Variants in GALNT17 observed in about 807,000 individuals in gnomAD.
The protein encoded by GALNT17 is polypeptide N-acetylgalactosaminyltransferase 17, also known as UDP-GalNAc:polypeptide N-acetylgalactosaminyltransferase-like 3.
Under a neutral mutation model 63.7 loss-of-function variants are expected in GALNT17, and 29 were observed. The observed-to-expected ratio is 0.46, with a 90% CI of 0.34 to 0.62. The LOEUF (loss-of-function observed/expected upper bound fraction) is 0.62. Among genes scored for constraint, GALNT17 ranks in the 20% least tolerant of loss-of-function variants. The pLI is 0.01. For synonymous variants in GALNT17, 305 were observed against 318.3 expected (o/e 0.96, Z 0.45); for missense variants, 603 against 799.6 (o/e 0.75, Z 2.97).
intron 5 of GALNT17, among the ~76,000 whole-genome samples, chr7:71,501,302 T>C (rs2116701362): frequency 6.6e-6 from 1 of 152,120 alleles, no homozygotes; most frequent in Non-Finnish European, 1.5e-5. Flanking sequence ...TCTCTTTCTG[T>C]CATCCATGCT....
At chr7:71,209,984 A>T (rs968851447) in intron 1 of GALNT17, among the ~76,000 whole-genome samples, 1 of 151,956 alleles carries the variant, frequency 6.6e-6, no homozygotes, top group African/African-American at 2.4e-5. Flanking sequence ...GTGCAGTGGC[A>T]CAAACTGAGC....
chr7:71,148,692 CTGTT>C (rs1788069362), intron 1 of GALNT17, among the ~76,000 whole-genome samples: 1 of 151,768 alleles, frequency 6.6e-6, no homozygotes, highest in South Asian at 2.1e-4. Context: ...TGTATTTTGT[CTGTT>C]AAGACATTTT....
intron 5 of GALNT17, among the ~76,000 whole-genome samples, chr7:71,472,773 A>G (rs978315784): frequency 4.6e-5 from 7 of 152,218 alleles, no homozygotes; most frequent in African/African-American, 1.7e-4. Flanking sequence ...GTGTTGCACA[A>G]TGGACCCTCA....
chr7:71,567,927 C>T (rs1789376165), intron 5 of GALNT17, among the ~76,000 whole-genome samples: 1 of 152,208 alleles, frequency 6.6e-6, no homozygotes, highest in African/African-American at 2.4e-5. Context: ...TACCAAGTGG[C>T]TTTCCATGGA....
chr7:71,576,574 G>T (rs1307831249), intron 6 of GALNT17, among the ~76,000 whole-genome samples: 1 of 128,600 alleles, frequency 7.8e-6, no homozygotes, highest in African/African-American at 3.0e-5. Context: ...TGTTTTGTTT[G>T]TTTGTTTGTT....
chr7:71,400,785 A>C lies in GALNT17; in HGVS notation c.589+12384A>C, dbSNP rs112731265. Among the ~76,000 whole-genome samples, 1,483 of 152,340 alleles carry C rather than the reference A, an allele frequency of 9.7e-3. 24 individuals are homozygous for C. The highest frequency in any genetic ancestry group is 0.034 in the African/African-American group (1,411 of 41,558). On this transcript the variant is annotated intron_variant, in intron 3 of 10. Coordinates refer to ENST00000333538, the MANE Select transcript of GALNT17 (RefSeq NM_022479.3). ...TTTGGAAACACTGAAGCTGAATCAC[A>C]TGATGACTGATTGGTTATAAAGAGG...
At chr7:71,652,054 A>G (rs1313649769) in intron 6 of GALNT17, among the ~76,000 whole-genome samples, 2 of 152,236 alleles carry the variant, frequency 1.3e-5, no homozygotes, top group Admixed American at 1.3e-4. Flanking sequence ...TTTTCAGTAC[A>G]TAGTAACAGC....
rs1229288759 is a variant in GALNT17, at chr7:71,609,291, C to T, written c.1080+37889C>T. Among the ~76,000 whole-genome samples, 6 of 152,150 alleles carry T rather than the reference C, an allele frequency of 3.9e-5. No homozygotes were observed. The East Asian group carries it at 7.7e-4, about 20-fold the overall frequency. On this transcript the variant is annotated intron_variant, in intron 6 of 10. Transcript: ENST00000333538. Reference sequence around the variant, plus strand: ...AATGAGTGAGCATTTGAGAGGGAGTCGGGTACCATAGACCTGAAAGATGAG... The same window carrying T: ...AATGAGTGAGCATTTGAGAGGGAGTTGGGTACCATAGACCTGAAAGATGAG...
rs189846146 is a variant in GALNT17, at chr7:71,303,420, G to A, written c.239-32130G>A. Among the ~76,000 whole-genome samples the A allele has an allele frequency of 8.6e-4, 130 of 151,830 alleles. 1 individual carries two copies. Among genetic ancestry groups the A allele is most frequent in the African/African-American group, 3.0e-3 (124 of 41,390 alleles). On this transcript the variant is annotated intron_variant, in intron 1 of 10. Coordinates refer to ENST00000333538, the MANE Select transcript of GALNT17 (RefSeq NM_022479.3). Reference sequence around the variant, plus strand: ...TAATTGCTTTATTTTCATTTCCTTCGTAAATGATATCTAGGTGAAATTAAC... The same window carrying A: ...TAATTGCTTTATTTTCATTTCCTTCATAAATGATATCTAGGTGAAATTAAC...
At chr7:71,503,859 G>A (rs1788221258) in intron 5 of GALNT17, among the ~76,000 whole-genome samples, 1 of 152,090 alleles carries the variant, frequency 6.6e-6, no homozygotes, top group Non-Finnish European at 1.5e-5. Context: ...ACTTTGAGAG[G>A]CTGAGGCGGG....
chr7:71,573,516 A>C (rs923855473), intron 6 of GALNT17, among the ~76,000 whole-genome samples: 1 of 150,010 alleles, frequency 6.7e-6, no homozygotes, highest in East Asian at 2.0e-4. Flanking sequence ...TTGTCTTTTT[A>C]GTAGAAATGG....
At chr7:71,336,685 CT>C (rs1333850474) in intron 2 of GALNT17, among the ~76,000 whole-genome samples, 1 of 152,200 alleles carries the variant, frequency 6.6e-6, no homozygotes, top group African/African-American at 2.4e-5. Flanking sequence ...TTGTTTATGG[CT>C]GCGTAGTATT....
chr7:71,487,891 G>A (rs369885520), intron 5 of GALNT17, among the ~76,000 whole-genome samples: 3 of 152,170 alleles, frequency 2.0e-5, no homozygotes, highest in South Asian at 4.2e-4. Context: ...TTTGGAGCCG[G>A]GCATGGTAGC....
intron 1 of GALNT17, among the ~76,000 whole-genome samples, chr7:71,168,871 T>C (rs1788495154): frequency 6.6e-6 from 1 of 152,152 alleles, no homozygotes; most frequent in Non-Finnish European, 1.5e-5. Context: ...TTTCTGCAGG[T>C]GGGGATAAAC....
chr7:71,709,919 G>A (rs1404502519), intron 9 of GALNT17, among the ~76,000 whole-genome samples: 3 of 152,054 alleles, frequency 2.0e-5, no homozygotes, highest in African/African-American at 4.8e-5. Context: ...TGTAAAATGT[G>A]GTATCTTATT....
At chr7:71,183,420 C>G (rs1322715870) in intron 1 of GALNT17, among the ~76,000 whole-genome samples, 1 of 152,188 alleles carries the variant, frequency 6.6e-6, no homozygotes, top group African/African-American at 2.4e-5. Context: ...GGCTCCCACT[C>G]TCGCATTTTT....
intron 1 of GALNT17, among the ~76,000 whole-genome samples, chr7:71,299,136 AG>A (rs1251497712): frequency 6.6e-6 from 1 of 152,138 alleles, no homozygotes; most frequent in Admixed American, 6.5e-5. Flanking sequence ...CTCATTCTAC[AG>A]GTGAGATCTG....
At chr7:71,641,836 A>G (rs1164906242) in intron 6 of GALNT17, among the ~76,000 whole-genome samples, 1 of 152,116 alleles carries the variant, frequency 6.6e-6, no homozygotes, top group Non-Finnish European at 1.5e-5. Flanking sequence ...GCTGCTGTGG[A>G]TGGTGAGGAT....
At chr7:71,608,601 C>T (rs956082486) in intron 6 of GALNT17, among the ~76,000 whole-genome samples, 1 of 152,100 alleles carries the variant, frequency 6.6e-6, no homozygotes, top group Non-Finnish European at 1.5e-5. Flanking sequence ...CACTGTCTGG[C>T]CAGGTTCATA....
Sources: gnomAD v4.1 joint callset for allele counts (sites outside exome capture counted in the v4.1 genomes callset) on GRCh38, gnomAD v4.1.1 for gene constraint, MANE v1.5 for transcripts, NCBI Gene and HGNC (gene_info 2026-07-23, HGNC 2026-07-21) for gene names.